FLT1: variants seen among roughly 807,000 people sequenced by gnomAD.
FLT1 encodes vascular endothelial growth factor receptor 1.
FLT1 carries 49 observed loss-of-function variants against 156.3 expected under a neutral mutation model. The observed-to-expected ratio is 0.31, with a 90% CI of 0.25 to 0.40. FLT1 has a LOEUF of 0.40. Among genes scored for constraint, FLT1 ranks in the 10% least tolerant of loss-of-function variants. The probability of loss-of-function intolerance (pLI) is 1.00; values close to 1 mark genes in which losing one functional copy is unlikely to be tolerated. For missense variants in FLT1, 1,322 were observed against 1,637.2 expected (o/e 0.81, Z 3.32); for synonymous variants, 594 against 583.8 (o/e 1.02, Z -0.25).
intron 25 of FLT1, among the ~76,000 whole-genome samples, chr13:28,315,530 TG>T (rs1480875604): frequency 1.3e-5 from 2 of 152,204 alleles, no homozygotes; most frequent in African/African-American, 2.4e-5. Context: ...CACTCTAGCC[TG>T]GACAACAGAG....
chr13:28,311,149 GTCTC>G (rs1484352488), intron 27 of FLT1, among the ~76,000 whole-genome samples: 3 of 152,040 alleles, frequency 2.0e-5, no homozygotes, highest in African/African-American at 7.2e-5. Flanking sequence ...GTAAGATGAG[GTCTC>G]TCTATGTTGC....
At chr13:28,330,460 T>G (rs922448159) in intron 18 of FLT1, among the ~76,000 whole-genome samples, 31 of 151,844 alleles carry the variant, frequency 2.0e-4, no homozygotes, top group African/African-American at 7.0e-4. Context: ...CAATATGAGT[T>G]GGAATAAAAT....
intron 1 of FLT1, among the ~76,000 whole-genome samples, chr13:28,486,401 A>G (rs1028709046): frequency 2.6e-5 from 4 of 152,248 alleles, no homozygotes; most frequent in African/African-American, 9.6e-5. Context: ...AGTGGGAGCC[A>G]TACTGATCCC....
intron 25 of FLT1, among the ~76,000 whole-genome samples, chr13:28,314,138 G>A (rs1871112597): frequency 6.6e-6 from 1 of 152,092 alleles, no homozygotes; most frequent in Non-Finnish European, 1.5e-5. Flanking sequence ...GTTGAGGCTG[G>A]GCTCCAAAGA....
chr13:28,346,638 C>T (rs539357073), intron 15 of FLT1, among the ~76,000 whole-genome samples: 1 of 152,100 alleles, frequency 6.6e-6, no homozygotes, highest in East Asian at 1.9e-4. Flanking sequence ...TGAGCCCAGG[C>T]GTTCCATGCT....
At chr13:28,427,085 G>A in intron 10 of FLT1, 74 bp downstream of exon 10, 1 of 1,335,004 alleles carries the variant, frequency 7.5e-7, no homozygotes, top group Middle Eastern at 1.9e-4. Flanking sequence ...ATTCCCATCT[G>A]CGTCCATTAA....
intron 3 of FLT1, among the ~76,000 whole-genome samples, chr13:28,451,637 T>G (rs1878945043): frequency 6.9e-6 from 1 of 145,916 alleles, no homozygotes; most frequent in Admixed American, 6.8e-5. Flanking sequence ...GGGGAGCGGG[T>G]CGGGGTGGAG....
At chr13:28,391,111 G>A (rs1196964660) in intron 12 of FLT1, among the ~76,000 whole-genome samples, 1 of 152,122 alleles carries the variant, frequency 6.6e-6, no homozygotes, top group Non-Finnish European at 1.5e-5. Context: ...CAACTAATCT[G>A]GAAGAGTTGC....
rs1870592406 is a variant in FLT1 at position 28,303,323 on chromosome 13, G to A, written c.3861C>T (p.Val1287=). The part of the protein sequence containing the change: ...SKSKESGLSD[V]SRPSFCHSSC... ...TGGAATGGCAGAAACTGGGCCTGCT[G>A]ACATCAGACAGCCCCGACTCCTTAC... The change falls in exon 30 of 30, where the codon GTC becomes GTT. Residue 1287 remains valine (V), a synonymous_variant. Transcript: ENST00000282397. 2 of 1,614,094 alleles carry A rather than the reference G, an allele frequency of 1.2e-6. No homozygotes were observed. The highest frequency in any genetic ancestry group is 4.5e-5 in the East Asian group (2 of 44,882).
At chr13:28,307,944 T>G (rs567604981) in intron 28 of FLT1, among the ~76,000 whole-genome samples, 27 of 152,284 alleles carry the variant, frequency 1.8e-4, no homozygotes, top group African/African-American at 6.0e-4. Flanking sequence ...GCTAATTTTT[T>G]TGTGTTTTTA....
At chr13:28,359,691 A>G (rs1185832730) in intron 14 of FLT1, among the ~76,000 whole-genome samples, 3 of 152,234 alleles carry the variant, frequency 2.0e-5, no homozygotes, top group Non-Finnish European at 4.4e-5. Context: ...ACTCAATAAC[A>G]AGGAAACCAA....
intron 3 of FLT1, among the ~76,000 whole-genome samples, chr13:28,461,784 A>T (rs2137610713): frequency 6.6e-6 from 1 of 152,308 alleles, no homozygotes; most frequent in Admixed American, 6.5e-5. Flanking sequence ...AGTTGTTAGA[A>T]ATTCTACTGC....
At chr13:28,413,306 CTT>C in intron 10 of FLT1, among the ~76,000 whole-genome samples, 1 of 152,116 alleles carries the variant, frequency 6.6e-6, no homozygotes, top group Non-Finnish European at 1.5e-5. Flanking sequence ...CCAGCCTCTG[CTT>C]TTCCTTCCTC....
intron 13 of FLT1, chr13:28,388,421 T>C (rs376657369): frequency 2.8e-6 from 3 of 1,055,010 alleles, no homozygotes; most frequent in African/African-American, 1.7e-5. Context: ...CCAGCCACTG[T>C]GTTTCTCAGC....
At position 28,300,615 on chromosome 13, in the gene FLT1, G is replaced by T; in HGVS notation, c.*2552C>A. The T allele has an allele frequency of 4.3e-6, 1 of 232,292 alleles. No homozygotes were observed. Among genetic ancestry groups the T allele is most frequent in the South Asian group, 1.8e-4 (1 of 5,486 alleles). The allele number at this position is 232,292 out of a possible 1,614,324, so 14.4% of individuals were successfully genotyped here. ...TCCTCCTTTAATCAATTTAAATGAG[G>T]CTAGCGAGTATCTGTTTGATGTTTG... On this transcript the variant is annotated 3_prime_UTR_variant, in exon 30 of 30. Coordinates refer to ENST00000282397, the MANE Select transcript of FLT1 (RefSeq NM_002019.4).
intron 1 of FLT1, among the ~76,000 whole-genome samples, chr13:28,486,383 G>C (rs901502295): frequency 1.3e-5 from 2 of 152,234 alleles, no homozygotes; most frequent in African/African-American, 4.8e-5. Flanking sequence ...ATAGAATTCA[G>C]CCACCCAAGT....
intron 1 of FLT1, among the ~76,000 whole-genome samples, chr13:28,471,147 A>C (rs944143064): frequency 1.3e-5 from 2 of 152,194 alleles, no homozygotes; most frequent in South Asian, 2.1e-4. Flanking sequence ...GTTGCCACAT[A>C]ATTTGTCTCC....
chr13:28,453,021 CCT>C, intron 3 of FLT1, among the ~76,000 whole-genome samples: 3 of 33,470 alleles, frequency 9.0e-5, no homozygotes, highest in Non-Finnish European at 1.0e-4. Flanking sequence ...TCCCCCTCCC[CCT>C]CCCCTTTCCT....
intron 3 of FLT1, among the ~76,000 whole-genome samples, chr13:28,457,359 G>A (rs1386388319): frequency 6.6e-6 from 1 of 152,132 alleles, no homozygotes; most frequent in Non-Finnish European, 1.5e-5. Context: ...TTTGTCCAAA[G>A]TCAAAGACCT....
Sources: allele counts gnomAD v4.1 joint callset (sites outside exome capture counted in the v4.1 genomes callset), GRCh38; gene constraint gnomAD v4.1.1; transcripts MANE v1.5; gene names NCBI Gene and HGNC (gene_info 2026-07-23, HGNC 2026-07-21).